The following KCNH1 variants were observed in gnomAD, a reference collection of about 807,000 sequenced individuals.
KCNH1 encodes potassium voltage-gated channel subfamily H member 1, also known as voltage-gated delayed rectifier potassium channel KCNH1.
A neutral mutation model predicts 69.2 loss-of-function variants in KCNH1; 27 were observed. That is an observed-to-expected ratio of 0.39 (90% CI 0.29 to 0.54). The LOEUF (loss-of-function observed/expected upper bound fraction) is 0.54, where lower values mean the gene tolerates loss of function less well. KCNH1 is among the 20% of genes least tolerant of loss of function. KCNH1 has a pLI of 0.68. For missense variants in KCNH1, 798 were observed against 1,261.6 expected, an observed-to-expected ratio of 0.63 and a Z score of 5.57; for synonymous variants, 456 against 487.7, an observed-to-expected ratio of 0.93 and a Z score of 0.86.
At chr1:211,074,508 G>A (rs1443183999) in intron 5 of KCNH1, among the ~76,000 whole-genome samples, 1 of 152,082 alleles carries the variant, frequency 6.6e-6, no homozygotes, top group Non-Finnish European at 1.5e-5. Flanking sequence ...CACGTTAGAT[G>A]GAAGTATGAT....
chr1:210,687,427 C>T (rs1442852591), intron 10 of KCNH1, among the ~76,000 whole-genome samples: 1 of 152,202 alleles, frequency 6.6e-6, no homozygotes, highest in African/African-American at 2.4e-5. Flanking sequence ...TGGATCTGTG[C>T]AGGCTTTTTT....
intron 5 of KCNH1, among the ~76,000 whole-genome samples, chr1:211,051,810 T>C (rs936439616): frequency 1.3e-5 from 2 of 152,180 alleles, no homozygotes; most frequent in African/African-American, 4.8e-5. Context: ...GGATAAGTAG[T>C]ATTATACTTA....
At chr1:210,749,516 T>G (rs1005806256) in intron 10 of KCNH1, among the ~76,000 whole-genome samples, 4 of 152,180 alleles carry the variant, frequency 2.6e-5, no homozygotes, top group African/African-American at 9.7e-5. Context: ...CAGCATCACC[T>G]GGGCGCTTAT....
intron 10 of KCNH1, among the ~76,000 whole-genome samples, chr1:210,746,070 T>A (rs927680059): frequency 1.3e-5 from 2 of 152,166 alleles, no homozygotes; most frequent in African/African-American, 4.8e-5. Flanking sequence ...GCCAGCATCC[T>A]GGGATCTAGT....
intron 7 of KCNH1, among the ~76,000 whole-genome samples, chr1:210,854,426 G>A (rs759077913): frequency 3.3e-5 from 5 of 152,160 alleles, no homozygotes; most frequent in African/African-American, 4.8e-5. Flanking sequence ...AATAGAGAAA[G>A]GTACCTGGAA....
intron 6 of KCNH1, among the ~76,000 whole-genome samples, chr1:210,995,183 T>G (rs2102393102): frequency 6.6e-6 from 1 of 152,290 alleles, no homozygotes; most frequent in African/African-American, 2.4e-5. Context: ...TAGAAGTCAC[T>G]GGACAGGCTT....
chr1:210,936,139 T>A (rs549900492), intron 6 of KCNH1, among the ~76,000 whole-genome samples: 2 of 152,362 alleles, frequency 1.3e-5, no homozygotes, highest in East Asian at 3.9e-4. Flanking sequence ...CAGGTCTGTA[T>A]GGAGACACAA....
chr1:211,117,544 G>A (rs1012400371), intron 1 of KCNH1, among the ~76,000 whole-genome samples: 4 of 152,182 alleles, frequency 2.6e-5, no homozygotes, highest in African/African-American at 4.8e-5. Context: ...AGAGAAAGAG[G>A]TCCTGAGATT....
intron 1 of KCNH1, among the ~76,000 whole-genome samples, chr1:211,114,752 G>T (rs1011215672): frequency 6.6e-6 from 1 of 152,180 alleles, no homozygotes; most frequent in African/African-American, 2.4e-5. Flanking sequence ...AAATGACTCT[G>T]GGATTATTTA....
chr1:210,764,988 A>C (rs1051368309), intron 10 of KCNH1, among the ~76,000 whole-genome samples: 13 of 152,222 alleles, frequency 8.5e-5, no homozygotes, highest in Non-Finnish European at 1.6e-4. Context: ...GACTGGATAA[A>C]CTATGGTACA....
chr1:211,020,669 C>A (rs1026557839), intron 5 of KCNH1, among the ~76,000 whole-genome samples: 3 of 152,014 alleles, frequency 2.0e-5, no homozygotes, highest in African/African-American at 7.2e-5. Context: ...GATACCAAAA[C>A]CAGACAAAGG....
chr1:211,101,663 G>T (rs560006758), intron 3 of KCNH1, among the ~76,000 whole-genome samples: 2 of 152,174 alleles, frequency 1.3e-5, no homozygotes, highest in African/African-American at 4.8e-5. Context: ...TAGCCTGCAC[G>T]ACTTCATGTG....
Position 210,898,679 on chromosome 1 carries a change from GGC to G in KCNH1, c.1462+20959_1462+20960del, listed in dbSNP as rs950682798. On this transcript the variant is annotated intron_variant, in intron 7 of 10. Transcript: ENST00000271751. The stretch of plus-strand genomic sequence containing the variant: ...ACCCCTTGGAGGGGGCAGGCGTGGC[GGC>G]GGGGGGGGGTCCTGTCAACCACCTT... Among the ~76,000 whole-genome samples, 132 of 132,686 alleles carry G rather than the reference GGC, an allele frequency of 9.9e-4. 4 individuals carry two copies. Among genetic ancestry groups the G allele is most frequent in the African/African-American group, 4.0e-3 (125 of 31,138 alleles). The allele number at this position is 132,686 out of a possible 152,430, so 87.0% of individuals were successfully genotyped here.
intron 6 of KCNH1, among the ~76,000 whole-genome samples, chr1:210,964,988 T>G (rs1459190408): frequency 6.6e-6 from 1 of 151,994 alleles, no homozygotes; most frequent in African/African-American, 2.4e-5. Context: ...ACAGAACCAA[T>G]GACAAAAACC....
At position 210,827,541 on chromosome 1, in the gene KCNH1, T is replaced by G. The variant is rs1305733079; in HGVS notation, c.1463-23375A>C. On this transcript the variant is annotated intron_variant, in intron 7 of 10. Transcript: ENST00000271751. Reference sequence around the variant, plus strand: ...TTTTACTATATGCTGAATAATTATTTTAATACTTTATATTTATTGATTACA... The same window carrying G: ...TTTTACTATATGCTGAATAATTATTGTAATACTTTATATTTATTGATTACA... Among the ~76,000 whole-genome samples the G allele has an allele frequency of 2.6e-5, 4 of 152,192 alleles. No homozygotes were observed. The East Asian group carries it at 7.7e-4, about 29-fold the overall frequency.
intron 3 of KCNH1, among the ~76,000 whole-genome samples, chr1:211,098,275 C>G (rs543013309): frequency 1.3e-5 from 2 of 149,754 alleles, no homozygotes; most frequent in Non-Finnish European, 3.0e-5. Context: ...GAGCTGAGAT[C>G]GCGCCACTGC....
chr1:210,877,336 G>A (rs1036628056), intron 7 of KCNH1, among the ~76,000 whole-genome samples: 1 of 152,150 alleles, frequency 6.6e-6, no homozygotes, highest in Non-Finnish European at 1.5e-5. Context: ...AAGTCTCATA[G>A]GTGTATAAAA....
chr1:210,847,647 G>A (rs1044701310), intron 7 of KCNH1, among the ~76,000 whole-genome samples: 4 of 151,764 alleles, frequency 2.6e-5, no homozygotes, highest in Non-Finnish European at 5.9e-5. Flanking sequence ...GAGTTAATGG[G>A]TGCAGCACGC....
chr1:210,917,661 G>A (rs1228488140), intron 7 of KCNH1, among the ~76,000 whole-genome samples: 1 of 152,068 alleles, frequency 6.6e-6, no homozygotes, highest in Non-Finnish European at 1.5e-5. Context: ...TTCTGTAATG[G>A]ATACAATGAG....
Sources: allele counts gnomAD v4.1 joint callset (sites outside exome capture counted in the v4.1 genomes callset), GRCh38; gene constraint gnomAD v4.1.1; transcripts MANE v1.5; gene names NCBI Gene and HGNC (gene_info 2026-07-23, HGNC 2026-07-21).